Variants in TMPRSS11E observed in about 807,000 individuals in gnomAD.
TMPRSS11E encodes the protein transmembrane protease serine 11E.
Under a neutral mutation model 48.1 loss-of-function variants are expected in TMPRSS11E, and 38 were observed. The ratio of observed to expected loss-of-function variants is 0.79; its 90% CI spans 0.61 to 1.04. The LOEUF is 1.04. Ranked by LOEUF, TMPRSS11E falls within the 50% of genes least tolerant of loss-of-function variation. The probability of loss-of-function intolerance (pLI) is 0.00; values close to 1 mark genes in which losing one functional copy is unlikely to be tolerated. For synonymous variants in TMPRSS11E, 158 were observed against 171.9 expected, an observed-to-expected ratio of 0.92 and a Z score of 0.63; for missense variants, 530 against 510.8, an observed-to-expected ratio of 1.04 and a Z score of -0.36.
Position 68,476,422 on chromosome 4 carries a change from G to A in TMPRSS11E, c.691G>A (p.Ala231Thr), listed in dbSNP as rs1455465170. ...LINATWLVSA[A>T]HCFTTYKNPA... ...TAATGCCACATGGCTTGTGAGTGCT[G>A]CTCACTGTTTTACAACGTAAGTCTT... is the stretch of plus-strand genomic sequence containing the variant. Residue 231 changes from alanine to threonine, a missense_variant, in exon 7 of 10, where the codon GCT (alanine) becomes ACT (threonine). Ala to Thr is a moderately conservative substitution (Grantham distance 58). Coordinates refer to ENST00000305363, the MANE Select transcript of TMPRSS11E (RefSeq NM_014058.4). The A allele has an allele frequency of 6.2e-7, 1 of 1,611,476 alleles. No homozygotes were observed. Among genetic ancestry groups the A allele is most frequent in the Non-Finnish European group, 8.5e-7 (1 of 1,178,310 alleles).
intron 2 of TMPRSS11E, 138 bp downstream of exon 2, chr4:68,462,083 T>C: frequency 9.1e-7 from 1 of 1,096,876 alleles, no homozygotes; most frequent in African/African-American, 1.6e-5. Context: ...CTTTACCTGC[T>C]TTCTCTCTTA....
chr4:68,461,319 T>C (rs925247544), intron 1 of TMPRSS11E, among the ~76,000 whole-genome samples: 3 of 152,162 alleles, frequency 2.0e-5, no homozygotes, highest in African/African-American at 4.8e-5. Flanking sequence ...AGAATAGAAT[T>C]AGCAACTCCA....
chr4:68,475,771 G>A (rs2109695824), intron 6 of TMPRSS11E, among the ~76,000 whole-genome samples: 1 of 152,284 alleles, frequency 6.6e-6, no homozygotes, highest in South Asian at 2.1e-4. Context: ...GGCATCTATA[G>A]TGGATCTACA....
chr4:68,470,469 T>A (rs1729035055), intron 4 of TMPRSS11E, among the ~76,000 whole-genome samples: 1 of 151,900 alleles, frequency 6.6e-6, no homozygotes, highest in South Asian at 2.1e-4. Context: ...TTGTTACTTA[T>A]TTTCGTGTCC....
At chr4:68,454,250 A>T (rs1299233087) in intron 1 of TMPRSS11E, among the ~76,000 whole-genome samples, 5 of 151,900 alleles carry the variant, frequency 3.3e-5, no homozygotes, top group African/African-American at 9.7e-5. Context: ...GCAGTTATAG[A>T]TTTGGTAGTC....
At chr4:68,486,256 A>G (rs935956108) in intron 9 of TMPRSS11E, among the ~76,000 whole-genome samples, 5 of 152,078 alleles carry the variant, frequency 3.3e-5, no homozygotes, top group Non-Finnish European at 7.4e-5. Context: ...AGATATTTAT[A>G]TCTTTTCGAT....
At chr4:68,454,775 C>T (rs963814615) in intron 1 of TMPRSS11E, among the ~76,000 whole-genome samples, 1 of 151,672 alleles carries the variant, frequency 6.6e-6, no homozygotes, top group Non-Finnish European at 1.5e-5. Context: ...AGCATGTGGC[C>T]CAACTGTCAC....
chr4:68,472,479 T>A (rs1729101467), intron 5 of TMPRSS11E, among the ~76,000 whole-genome samples: 1 of 152,076 alleles, frequency 6.6e-6, no homozygotes, highest in African/African-American at 2.4e-5. Context: ...GAATCTAGCG[T>A]ACATTTTATA....
At chr4:68,478,585 G>A (rs1320127482) in intron 8 of TMPRSS11E, among the ~76,000 whole-genome samples, 2 of 147,882 alleles carry the variant, frequency 1.4e-5, no homozygotes, top group East Asian at 4.1e-4. Flanking sequence ...CTCCTGAATA[G>A]CTGGGATTAC....
At chr4:68,472,902 T>A (rs1729113500) in intron 5 of TMPRSS11E, among the ~76,000 whole-genome samples, 1 of 152,098 alleles carries the variant, frequency 6.6e-6, no homozygotes, top group African/African-American at 2.4e-5. Flanking sequence ...AAAATTAAAT[T>A]TGTAGATTAC....
In TMPRSS11E at chr4:68,478,758, A is replaced by G. The variant is rs561711880; in HGVS notation, c.968-91A>G. 1.7e-5 allele frequency: 24 copies of G among 1,434,186 alleles called. No individual in the cohort carries two copies. In the Admixed American group the frequency reaches 4.4e-4, roughly 26 times the overall value. The allele number at this position is 1,434,186 out of a possible 1,614,324, so 88.8% of individuals were successfully genotyped here. On this transcript the variant is annotated intron_variant, in intron 8 of 9. Coordinates refer to ENST00000305363, the MANE Select transcript of TMPRSS11E (RefSeq NM_014058.4). ...GCGTTAGTCACCGTGCCTGGCCTGT[A>G]TCACCATCTTATTCCTAATCATGAA...
At chr4:68,447,683 TTTCTA>T (rs1295718554) in intron 1 of TMPRSS11E, among the ~76,000 whole-genome samples, 160 bp downstream of exon 1, 1 of 151,956 alleles carries the variant, frequency 6.6e-6, no homozygotes, top group Non-Finnish European at 1.5e-5. Context: ...AAGAAAAAGA[TTTCTA>T]TTCTTTCTGT....
Position 68,472,286 on chromosome 4 carries a change from G to C in TMPRSS11E, c.490+663G>C, listed in dbSNP as rs147821629. Reference sequence around the variant, plus strand: ...GAAGGTCTATAGAAATACTATCTGGGCACAAGTATAATGTTACATTTTCTA... The same window carrying C: ...GAAGGTCTATAGAAATACTATCTGGCCACAAGTATAATGTTACATTTTCTA... On this transcript the variant is annotated intron_variant, in intron 5 of 9. Transcript: ENST00000305363. 0.01 allele frequency among the ~76,000 whole-genome samples: 1,535 copies of C among 151,694 alleles called. 87 individuals carry two copies. The East Asian group carries it at 0.17, about 17-fold the overall frequency.
chr4:68,477,416 A>G lies in TMPRSS11E; in HGVS notation c.755A>G (p.Lys252Arg). 1 of 1,614,104 alleles carries G rather than the reference A, an allele frequency of 6.2e-7. No individual in the cohort carries two copies. The highest frequency in any genetic ancestry group is 8.5e-7 in the Non-Finnish European group (1 of 1,179,970). ...RWTASFGVTI[K>R]PSKMKRGLRR... The stretch of plus-strand genomic sequence containing the variant: ...ACTGCTTCCTTTGGAGTAACAATAA[A>G]ACCTTCGAAAATGAAACGGGGTCTC... The change falls in exon 8 of 10, where the codon AAA becomes AGA. Residue 252 changes from lysine to arginine, a missense_variant. Physicochemically the swap from Lys to Arg is conservative, Grantham distance 26. Coordinates refer to ENST00000305363, the MANE Select transcript of TMPRSS11E (RefSeq NM_014058.4).
At chr4:68,477,039 C>CA (rs1490522612) in intron 7 of TMPRSS11E, among the ~76,000 whole-genome samples, 4 of 151,928 alleles carry the variant, frequency 2.6e-5, no homozygotes, top group East Asian at 3.9e-4. Context: ...GGGTGGGGTA[C>CA]ATGAGACACA....
chr4:68,487,592 G>A (rs1189633901), intron 9 of TMPRSS11E, among the ~76,000 whole-genome samples: 1 of 151,986 alleles, frequency 6.6e-6, no homozygotes, highest in East Asian at 1.9e-4. Context: ...ACTCTCTTAA[G>A]GACTTTTTGC....
At chr4:68,478,165 TGAGACAGAGTCTCCTTG>T (rs1385468747) in intron 8 of TMPRSS11E, among the ~76,000 whole-genome samples, 2 of 150,068 alleles carry the variant, frequency 1.3e-5, no homozygotes, top group African/African-American at 2.4e-5. Context: ...TTTTTTTTTT[TGAGACAGAGTCTCCTTG>T]TTGAGACAGA....
At chr4:68,480,383 T>G (rs1373974718) in intron 9 of TMPRSS11E, among the ~76,000 whole-genome samples, 1 of 152,128 alleles carries the variant, frequency 6.6e-6, no homozygotes, top group Non-Finnish European at 1.5e-5. Flanking sequence ...AGTTTACTGA[T>G]TCTTTGCTCT....
chr4:68,473,245 A>G (rs992075937), intron 5 of TMPRSS11E, among the ~76,000 whole-genome samples: 10 of 152,090 alleles, frequency 6.6e-5, no homozygotes, highest in African/African-American at 2.4e-4. Flanking sequence ...ACACAGAAGT[A>G]ACAGAAGCAA....
Sources: allele counts gnomAD v4.1 joint callset (sites outside exome capture counted in the v4.1 genomes callset), GRCh38; gene constraint gnomAD v4.1.1; transcripts MANE v1.5; gene names NCBI Gene and HGNC (gene_info 2026-07-23, HGNC 2026-07-21).